The following CAPN14 variants were observed in gnomAD, a reference collection of about 807,000 sequenced individuals.
CAPN14 encodes the protein calpain-14.
A neutral mutation model predicts 101.3 loss-of-function variants in CAPN14; 94 were observed. The ratio of observed to expected loss-of-function variants is 0.93; its 90% CI spans 0.79 to 1.10. The LOEUF (loss-of-function observed/expected upper bound fraction) is 1.10. Ranked by LOEUF, CAPN14 falls within the 50% of genes least tolerant of loss-of-function variation. The probability of loss-of-function intolerance (pLI) is 0.00; values close to 1 mark genes in which losing one functional copy is unlikely to be tolerated. For missense variants in CAPN14, 837 were observed against 828.4 expected, an observed-to-expected ratio of 1.01 and a Z score of -0.13; for synonymous variants, 338 against 317.9, an observed-to-expected ratio of 1.06 and a Z score of -0.67.
In CAPN14 at chr2:31,193,236, G is replaced by A. The variant is rs1006183555; in HGVS notation, c.1009C>T (p.Pro337Ser). Residue 337 changes from proline to serine, a missense_variant, in exon 10 of 22, where the codon CCA (proline) becomes TCA (serine). By Grantham distance (74) the Pro-to-Ser change is moderately conservative. Coordinates refer to ENST00000403897, the MANE Select transcript of CAPN14 (RefSeq NM_001145122.2). ...FVLLVICKLT[P>S]GLLSQEAAQK... is the part of the protein sequence containing the mutation. ...GCCGCCTCCTGGCTCAACAGGCCTG[G>A]GGTCAGTTTACAGATAACCAGGAGC... is the stretch of plus-strand genomic sequence containing the variant. 1 of 1,551,622 alleles carries A rather than the reference G, an allele frequency of 6.4e-7. No homozygotes were observed. The highest frequency in any genetic ancestry group is 1.4e-5 in the African/African-American group (1 of 73,050).
intron 5 of CAPN14, among the ~76,000 whole-genome samples, chr2:31,201,023 G>C (rs957185829): frequency 6.6e-6 from 1 of 152,170 alleles, no homozygotes; most frequent in Non-Finnish European, 1.5e-5. Flanking sequence ...TCAAGAAAAG[G>C]CATGTGTCCA....
Position 31,201,873 on chromosome 2 carries a change from C to A in CAPN14, c.540G>T (p.Lys180Asn). ...TGCCGGTTTCTTACTTGGCATAGGCCTTTTCCAGAAGTGCTCCCCAGAACA... is the reference window on the plus strand; with the variant it reads ...TGCCGGTTTCTTACTTGGCATAGGCATTTTCCAGAAGTGCTCCCCAGAACA... ...KNLFWGALLE[K>N]AYAKLSGSYE... Residue 180 changes from lysine to asparagine, a missense_variant, in exon 5 of 22, where the codon AAG (lysine) becomes AAT (asparagine). Coordinates refer to ENST00000403897, the MANE Select transcript of CAPN14 (RefSeq NM_001145122.2). The A allele has an allele frequency of 6.4e-7, 1 of 1,551,614 alleles. No homozygotes were observed. The highest frequency in any genetic ancestry group is 8.7e-7 in the Non-Finnish European group (1 of 1,146,916).
chr2:31,229,216 G>C (rs1397474911), intron 1 of CAPN14, among the ~76,000 whole-genome samples: 2 of 152,128 alleles, frequency 1.3e-5, no homozygotes, highest in African/African-American at 2.4e-5. Flanking sequence ...GACAGGATGG[G>C]GAGGAGCACA....
intron 16 of CAPN14, among the ~76,000 whole-genome samples, chr2:31,184,985 G>C (rs1348869333): frequency 6.6e-6 from 1 of 152,174 alleles, no homozygotes; most frequent in Non-Finnish European, 1.5e-5. Flanking sequence ...TCTTAAAATG[G>C]TCTATATCAA....
intron 16 of CAPN14, among the ~76,000 whole-genome samples, chr2:31,185,781 C>T (rs759988262): frequency 1.3e-5 from 2 of 152,226 alleles, no homozygotes; most frequent in Non-Finnish European, 2.9e-5. Flanking sequence ...AATCATCTAA[C>T]TTTGGCAGCA....
chr2:31,180,788 G>A lies in CAPN14; in HGVS notation c.1710+148C>T, dbSNP rs116356768. 7 of 648,916 alleles carry A rather than the reference G, an allele frequency of 1.1e-5. No individual in the cohort carries two copies. The African/African-American group carries it at 1.1e-4, about 10-fold the overall frequency. The allele number at this position is 648,916 out of a possible 1,614,324, so 40.2% of individuals were successfully genotyped here. A position where few individuals can be genotyped will look rare whatever the true frequency, so the allele number is the denominator to read the frequency against. On this transcript the variant is annotated intron_variant, in intron 17 of 21. Coordinates refer to ENST00000403897, the MANE Select transcript of CAPN14 (RefSeq NM_001145122.2). ...AACACTCTCTCCATGCTTCAGATGA[G>A]CATCTGGATACATAATGAGGCTCAG...
At chr2:31,229,405 A>G (rs1683121724) in intron 1 of CAPN14, among the ~76,000 whole-genome samples, 1 of 152,098 alleles carries the variant, frequency 6.6e-6, no homozygotes, top group African/African-American at 2.4e-5. Flanking sequence ...CAAGGACCAG[A>G]TTTTTTTTAA....
chr2:31,198,892 TCTC>T (rs1681605571), intron 7 of CAPN14, among the ~76,000 whole-genome samples: 1 of 152,170 alleles, frequency 6.6e-6, no homozygotes, highest in Admixed American at 6.5e-5. Context: ...TCTTCTGACT[TCTC>T]CCCAGCCCAA....
At position 31,194,474 on chromosome 2, in the gene CAPN14, T is replaced by C; in HGVS notation, c.885A>G (p.Lys295=). The part of the protein sequence containing the change: ...WKGDWSDSSS[K]WELLSPKEKI... ...TCTCCTTGGGGCTCAGCAGCTCCCA[T>C]TTACTTGAACTGAAAATAGAAAAGG... The change falls in exon 9 of 22, where the codon AAA becomes AAG. Residue 295 remains lysine, a synonymous_variant. Coordinates refer to ENST00000403897, the MANE Select transcript of CAPN14 (RefSeq NM_001145122.2). 6.4e-7 allele frequency: 1 copy of C among 1,550,976 alleles called. No individual in the cohort carries two copies. Among genetic ancestry groups the C allele is most frequent in the Non-Finnish European group, 8.7e-7 (1 of 1,146,398 alleles).
At position 31,177,073 on chromosome 2, in the gene CAPN14, T is replaced by A; in HGVS notation, c.1925A>T (p.Asp642Val). 6.4e-7 allele frequency: 1 copy of A among 1,551,562 alleles called. No individual in the cohort carries two copies. The highest frequency in any genetic ancestry group is 8.7e-7 in the Non-Finnish European group (1 of 1,146,880). Residue 642 changes from aspartate to valine, a missense_variant, in exon 20 of 22, where the codon GAC becomes GTC. Physicochemically the swap from Asp to Val is radical, Grantham distance 152. Transcript: ENST00000403897. ...CATCAAGTGGATGAAACTGACAAAG[T>A]CCATCTGGAGGCGGGGGCCGCCGTA... The part of the protein sequence containing the change: ...IRYGGPRLQM[D>V]FVSFIHLMLR...
intron 11 of CAPN14, 67 bp downstream of exon 11, chr2:31,191,868 A>G (rs1234219859): frequency 2.2e-6 from 3 of 1,380,324 alleles, no homozygotes; most frequent in Non-Finnish European, 2.9e-6. Context: ...GGAAACAGGA[A>G]GACATGGTAA....
chr2:31,175,341 GGGC>G (rs1680237938), intron 21 of CAPN14, among the ~76,000 whole-genome samples: 3 of 152,124 alleles, frequency 2.0e-5, no homozygotes, highest in African/African-American at 4.8e-5. Context: ...TTCACCTGTG[GGGC>G]AGCTGAGGCC....
chr2:31,199,373 C>T, intron 7 of CAPN14, 97 bp downstream of exon 7: 1 of 1,065,798 alleles, frequency 9.4e-7, no homozygotes, highest in Non-Finnish European at 1.4e-6. Flanking sequence ...TACCCACTCT[C>T]CAGATGGTAC....
chr2:31,199,506 C>T lies in CAPN14; in HGVS notation c.753G>A (p.Val251=), dbSNP rs903557718. The T allele has an allele frequency of 8.2e-5, 127 of 1,551,598 alleles. No individual in the cohort carries two copies. The highest frequency in any genetic ancestry group is 9.1e-5 in the Non-Finnish European group (104 of 1,146,924). The part of the protein sequence containing the change: ...SGEKILENGL[V]EGHAYTLTGI... ...CTGTGAGAGTATAGGCATGGCCTTC[C>T]ACCAGCCCATTCTCCAGAATCTTCT... is the stretch of plus-strand genomic sequence containing the variant. The change falls in exon 7 of 22, where the codon GTG becomes GTA. Residue 251 remains valine (V), a synonymous_variant. Coordinates refer to ENST00000403897, the MANE Select transcript of CAPN14 (RefSeq NM_001145122.2).
chr2:31,182,953 A>G (rs1432498135), intron 16 of CAPN14, among the ~76,000 whole-genome samples: 1 of 152,122 alleles, frequency 6.6e-6, no homozygotes, highest in East Asian at 1.9e-4. Context: ...AGGCTACAGT[A>G]ACCAAAACAG....
chr2:31,190,439 A>G (rs1299882941), intron 12 of CAPN14, among the ~76,000 whole-genome samples: 4 of 152,208 alleles, frequency 2.6e-5, no homozygotes, highest in Admixed American at 6.5e-5. Context: ...CCTCTTTGCC[A>G]TGGGCTACTA....
intron 1 of CAPN14, among the ~76,000 whole-genome samples, chr2:31,206,042 T>TTA (rs1682069887): frequency 2.7e-5 from 4 of 147,510 alleles, no homozygotes; most frequent in African/African-American, 9.8e-5. Flanking sequence ...TTATTTATTT[T>TTA]TTTTTTTTGA....
intron 1 of CAPN14, among the ~76,000 whole-genome samples, chr2:31,227,914 C>T (rs1207428700): frequency 2.6e-5 from 4 of 152,304 alleles, no homozygotes; most frequent in Middle Eastern, 3.4e-3. Context: ...GGGGCACAGC[C>T]TTCTTATGGG....
chr2:31,204,492 G>A (rs1441321821), intron 2 of CAPN14, among the ~76,000 whole-genome samples: 1 of 152,152 alleles, frequency 6.6e-6, no homozygotes, highest in Admixed American at 6.5e-5. Flanking sequence ...AAGGTTGGGA[G>A]TTTCAGCCCC....
Sources: allele counts gnomAD v4.1 joint callset (sites outside exome capture counted in the v4.1 genomes callset), GRCh38; gene constraint gnomAD v4.1.1; transcripts MANE v1.5; gene names NCBI Gene and HGNC (gene_info 2026-07-23, HGNC 2026-07-21).